The following UGGT2 variants were observed in gnomAD, a reference collection of about 807,000 sequenced individuals.
UGGT2 encodes the protein UDP-glucose glycoprotein glucosyltransferase 2, also known as UDP-glucose:glycoprotein glucosyltransferase 2.
In UGGT2, 180 loss-of-function variants were observed where a neutral mutation model predicts 192.1. The ratio of observed to expected loss-of-function variants is 0.94; its 90% CI spans 0.83 to 1.06. The LOEUF (loss-of-function observed/expected upper bound fraction) is 1.06. UGGT2 is among the 50% of genes least tolerant of loss of function. UGGT2 has a pLI of 0.00. For synonymous variants in UGGT2, 580 were observed against 591.0 expected (o/e 0.98, Z 0.27); for missense variants, 1,849 against 1,795.7 (o/e 1.03, Z -0.54).
In UGGT2 at chr13:95,972,676, A is replaced by C. The variant is rs1355378839; in HGVS notation, c.1093-5T>G. On this transcript the variant is annotated splice_polypyrimidine_tract_variant and splice_region_variant and intron_variant, in intron 10 of 38. Transcript: ENST00000376747. ...TTTAAATCTAACTTGAAGATCCTTG[A>C]AGTAGAGCAAAGCAATAGTTAACCA... 2 of 1,607,352 alleles carry C rather than the reference A, an allele frequency of 1.2e-6. No homozygotes were observed. The highest frequency in any genetic ancestry group is 3.3e-5 in the Admixed American group (2 of 59,954).
intron 12 of UGGT2, among the ~76,000 whole-genome samples, chr13:95,960,980 A>G (rs967001312): frequency 6.6e-6 from 1 of 152,218 alleles, no homozygotes; most frequent in African/African-American, 2.4e-5. Flanking sequence ...TTCCCAGACA[A>G]GCAAAAGCTG....
In UGGT2 at chr13:95,972,621, T is replaced by C. The variant is rs1230907320; in HGVS notation, c.1143A>G (p.Ile381Met). ...KIQPGDARLF[I>M]NGLRVDMDVY... is the part of the protein sequence containing the mutation. ...CATCCATATCAACACGAAGGCCATT[T>C]ATAAATAGACGAGCATCGCCTGGCT... The change falls in exon 11 of 39, where the codon ATA (isoleucine) becomes ATG (methionine). Residue 381 changes from isoleucine to methionine, a missense_variant. By Grantham distance (10) the Ile-to-Met change is conservative. Coordinates refer to ENST00000376747, the MANE Select transcript of UGGT2 (RefSeq NM_020121.4). 3.7e-6 allele frequency: 6 copies of C among 1,613,900 alleles called. No homozygotes were observed. The highest frequency in any genetic ancestry group is 5.1e-6 in the Non-Finnish European group (6 of 1,179,852).
intron 10 of UGGT2, among the ~76,000 whole-genome samples, chr13:95,978,811 CAAGAT>C (rs903428381): frequency 1.4e-4 from 21 of 152,102 alleles, no homozygotes; most frequent in East Asian, 5.8e-4. Context: ...AGGAATAAGA[CAAGAT>C]AAGACTTAAA....
chr13:95,897,923 TTC>T (rs1160599961), intron 22 of UGGT2, among the ~76,000 whole-genome samples: 10 of 152,018 alleles, frequency 6.6e-5, no homozygotes, highest in Non-Finnish European at 1.0e-4. Flanking sequence ...CCAAACTGAA[TTC>T]TCTTTCCTTC....
chr13:95,991,421 T>C (rs1186300594), intron 7 of UGGT2: 2 of 450,534 alleles, frequency 4.4e-6, no homozygotes, highest in African/African-American at 2.0e-5. Flanking sequence ...TTCTAACTGG[T>C]GTGAGATGGT....
chr13:95,967,470 TTTTTTG>T (rs1222058361), intron 12 of UGGT2, among the ~76,000 whole-genome samples: 25 of 54,804 alleles, frequency 4.6e-4, no homozygotes, highest in African/African-American at 1.6e-3. Context: ...CACCCCCAAC[TTTTTTG>T]TTTTTTTTTT....
chr13:95,832,182 T>C (rs943726685), intron 38 of UGGT2, among the ~76,000 whole-genome samples: 2 of 152,168 alleles, frequency 1.3e-5, no homozygotes, highest in South Asian at 2.1e-4. Context: ...GGAAGAATTA[T>C]TGAGAGTATT....
chr13:95,939,793 G>A (rs1208306269), intron 16 of UGGT2, among the ~76,000 whole-genome samples, 164 bp downstream of exon 16: 2 of 151,938 alleles, frequency 1.3e-5, no homozygotes, highest in Non-Finnish European at 2.9e-5. Context: ...TGTATCCTTT[G>A]ACCAATATCT....
chr13:95,985,211 G>T, intron 9 of UGGT2: 1 of 1,057,782 alleles, frequency 9.5e-7, no homozygotes, highest in Non-Finnish European at 1.2e-6. Context: ...AAATATTATG[G>T]CTAAACAGAT....
chr13:96,006,188 T>C (rs757623147), intron 5 of UGGT2, among the ~76,000 whole-genome samples: 6 of 152,194 alleles, frequency 3.9e-5, no homozygotes, highest in South Asian at 2.1e-4. Context: ...AAGTAGAACA[T>C]ATGAGTGATC....
At chr13:96,034,083 C>A (rs1033336271) in intron 1 of UGGT2, among the ~76,000 whole-genome samples, 5 of 152,146 alleles carry the variant, frequency 3.3e-5, no homozygotes, top group Admixed American at 1.3e-4. Context: ...ACACTTACCC[C>A]CCTCTGAAGC....
intron 1 of UGGT2, among the ~76,000 whole-genome samples, chr13:96,046,803 G>A (rs1315604976): frequency 6.6e-6 from 1 of 152,186 alleles, no homozygotes; most frequent in African/African-American, 2.4e-5. Context: ...CTTAGCAAAC[G>A]GCACACCAGG....
intron 1 of UGGT2, among the ~76,000 whole-genome samples, chr13:96,048,966 TCCCTAA>T (rs879916083): frequency 0.056 from 8,525 of 152,238 alleles, 360 homozygotes; most frequent in Non-Finnish European, 0.081. Context: ...AAGGGAATCC[TCCCTAA>T]CTCATTTTAT....
chr13:96,015,341 AT>A (rs1158933409), intron 4 of UGGT2, among the ~76,000 whole-genome samples: 17 of 151,842 alleles, frequency 1.1e-4, no homozygotes, highest in Admixed American at 9.8e-4. Flanking sequence ...GGAGATAAAT[AT>A]TGAGGTTGAA....
chr13:96,049,917 T>C (rs1426742075), intron 1 of UGGT2, among the ~76,000 whole-genome samples: 1 of 152,166 alleles, frequency 6.6e-6, no homozygotes, highest in Non-Finnish European at 1.5e-5. Context: ...AGGTAATTTA[T>C]AGATTCAATG....
intron 36 of UGGT2, among the ~76,000 whole-genome samples, chr13:95,849,702 T>C (rs974474686): frequency 4.6e-5 from 7 of 151,844 alleles, no homozygotes; most frequent in Non-Finnish European, 1.0e-4. Flanking sequence ...TTATTTTTGG[T>C]TCAGGGGTAC....
intron 38 of UGGT2, among the ~76,000 whole-genome samples, chr13:95,807,758 T>C (rs1203793240): frequency 6.7e-6 from 1 of 148,496 alleles, no homozygotes; most frequent in Non-Finnish European, 1.5e-5. Flanking sequence ...ATCTCTTTCA[T>C]GATTTCCTTG....
At chr13:95,938,882 C>G (rs1025248264) in intron 16 of UGGT2, among the ~76,000 whole-genome samples, 5 of 152,136 alleles carry the variant, frequency 3.3e-5, no homozygotes, top group Non-Finnish European at 7.4e-5. Context: ...TAGTCCATCT[C>G]ACATCTCTCA....
At position 95,806,241 on chromosome 13, in the gene UGGT2, T is replaced by C. The variant is rs144464789; in HGVS notation, c.4529-4429A>G. On this transcript the variant is annotated intron_variant, in intron 38 of 38. Coordinates refer to ENST00000376747, the MANE Select transcript of UGGT2 (RefSeq NM_020121.4). ...ACTTTGTAGCTTAGGGAGCTGTATG[T>C]AGCTGGTCAGGCAGGAATATGGGTA... 2.1e-3 allele frequency among the ~76,000 whole-genome samples: 319 copies of C among 152,288 alleles called. 3 individuals are homozygous for C. The highest frequency in any genetic ancestry group is 7.2e-3 in the African/African-American group (299 of 41,564).
Sources: gnomAD v4.1 joint callset for allele counts (sites outside exome capture counted in the v4.1 genomes callset) on GRCh38, gnomAD v4.1.1 for gene constraint, MANE v1.5 for transcripts, NCBI Gene and HGNC (gene_info 2026-07-23, HGNC 2026-07-21) for gene names.